Variants in MECOM observed in about 807,000 individuals in gnomAD.
MECOM encodes MDS1 and EVI1 complex locus, also known as histone-lysine N-methyltransferase MECOM.
MECOM carries 13 observed loss-of-function variants against 116.3 expected under a neutral mutation model. The ratio of observed to expected loss-of-function variants is 0.11; its 90% CI spans 0.07 to 0.18. The LOEUF is 0.18. Among genes scored for constraint, MECOM ranks in the 10% least tolerant of loss-of-function variants. The probability of loss-of-function intolerance (pLI) is 1.00; values close to 1 mark genes in which losing one functional copy is unlikely to be tolerated. For synonymous variants in MECOM, 528 were observed against 535.2 expected, an observed-to-expected ratio of 0.99 and a Z score of 0.19; for missense variants, 1,299 against 1,509.0, an observed-to-expected ratio of 0.86 and a Z score of 2.31.
chr3:169,119,448 G>C (rs1000000858), intron 7 of MECOM, among the ~76,000 whole-genome samples: 9 of 152,162 alleles, frequency 5.9e-5, no homozygotes, highest in African/African-American at 2.2e-4. Context: ...AATCTGATTG[G>C]AAAGGGACAC....
chr3:169,086,006 G>A (rs1341295593), intron 16 of MECOM, among the ~76,000 whole-genome samples: 1 of 152,162 alleles, frequency 6.6e-6, no homozygotes. Context: ...TGTAAACAAA[G>A]ACAAAATGCC....
intron 1 of MECOM, among the ~76,000 whole-genome samples, chr3:169,546,802 C>A (rs1046923248): frequency 6.6e-6 from 1 of 152,166 alleles, no homozygotes; most frequent in South Asian, 2.1e-4. Context: ...TACTTTTGAA[C>A]TTTTTGAACT....
intron 1 of MECOM, among the ~76,000 whole-genome samples, chr3:169,584,368 A>G (rs1323665155): frequency 2.6e-5 from 4 of 151,334 alleles, no homozygotes; most frequent in Non-Finnish European, 5.9e-5. Flanking sequence ...GATAGAGACC[A>G]TCTTGGCTAA....
intron 1 of MECOM, among the ~76,000 whole-genome samples, chr3:169,430,695 T>C (rs17558488): frequency 0.045 from 6,927 of 152,302 alleles, 189 homozygotes; most frequent in South Asian, 0.065. Context: ...CTAGTTCCAA[T>C]TGATTTCCTT....
intron 1 of MECOM, among the ~76,000 whole-genome samples, chr3:169,648,642 A>G (rs1774474482): frequency 6.6e-6 from 1 of 152,238 alleles, no homozygotes; most frequent in South Asian, 2.1e-4. Context: ...GCTTGGATGC[A>G]TACACATAGC....
At chr3:169,211,125 T>C (rs1248710407) in intron 2 of MECOM, among the ~76,000 whole-genome samples, 2 of 152,178 alleles carry the variant, frequency 1.3e-5, no homozygotes, top group African/African-American at 4.8e-5. Context: ...TGCCCTTGGA[T>C]AACTACTTAA....
intron 1 of MECOM, among the ~76,000 whole-genome samples, chr3:169,440,857 C>T (rs1743528404): frequency 6.6e-6 from 1 of 152,078 alleles, no homozygotes; most frequent in South Asian, 2.1e-4. Flanking sequence ...CAAGTAATCA[C>T]CTCTGGATAT....
intron 2 of MECOM, among the ~76,000 whole-genome samples, chr3:169,207,583 T>C (rs775957873): frequency 5.9e-5 from 9 of 152,144 alleles, no homozygotes; most frequent in Non-Finnish European, 1.0e-4. Flanking sequence ...AAACTACATA[T>C]AAGTACATAT....
At chr3:169,261,219 T>C (rs1211842193) in intron 2 of MECOM, among the ~76,000 whole-genome samples, 2 of 152,156 alleles carry the variant, frequency 1.3e-5, no homozygotes, top group Non-Finnish European at 2.9e-5. Flanking sequence ...GATAAAAATA[T>C]TTTTTTCTTT....
intron 1 of MECOM, among the ~76,000 whole-genome samples, chr3:169,505,418 G>T (rs542958672): frequency 2.4e-4 from 37 of 151,470 alleles, no homozygotes; most frequent in African/African-American, 6.8e-4. Flanking sequence ...CTTTATTGGT[G>T]TACATTTGCA....
chr3:169,096,537 C>T (rs575394365), intron 12 of MECOM, among the ~76,000 whole-genome samples: 2 of 152,070 alleles, frequency 1.3e-5, no homozygotes, highest in South Asian at 2.1e-4. Context: ...CCCAAAGTGC[C>T]GGGATTACAG....
intron 1 of MECOM, among the ~76,000 whole-genome samples, chr3:169,640,814 T>G (rs1249708420): frequency 2.6e-5 from 4 of 152,158 alleles, no homozygotes; most frequent in Admixed American, 6.5e-5. Flanking sequence ...AAATCAAGGT[T>G]TGCCAGAAAG....
At chr3:169,265,011 C>T (rs1488734508) in intron 2 of MECOM, among the ~76,000 whole-genome samples, 2 of 151,464 alleles carry the variant, frequency 1.3e-5, no homozygotes, top group Non-Finnish European at 2.9e-5. Context: ...CAACTAAGAT[C>T]TTCTTAAGCA....
chr3:169,226,998 T>C (rs1194375162), intron 2 of MECOM, among the ~76,000 whole-genome samples: 1 of 152,178 alleles, frequency 6.6e-6, no homozygotes, highest in Non-Finnish European at 1.5e-5. Flanking sequence ...CCATCTTTAG[T>C]TTTTTCATTG....
chr3:169,207,975 C>A (rs912390665), intron 2 of MECOM, among the ~76,000 whole-genome samples: 2 of 152,082 alleles, frequency 1.3e-5, no homozygotes, highest in Non-Finnish European at 2.9e-5. Flanking sequence ...AACAAGTCAG[C>A]ACTGTTCTGA....
chr3:169,395,232 C>T (rs1000886701), intron 1 of MECOM, among the ~76,000 whole-genome samples: 1 of 152,162 alleles, frequency 6.6e-6, no homozygotes, highest in African/African-American at 2.4e-5. Context: ...GTGCCTGTTT[C>T]ACTGCCGAAT....
chr3:169,574,164 C>T (rs767192374), intron 1 of MECOM, among the ~76,000 whole-genome samples: 25 of 152,050 alleles, frequency 1.6e-4, no homozygotes, highest in Non-Finnish European at 3.4e-4. Context: ...CAGCATTACC[C>T]TTATGCATAA....
rs571112639 is a variant in MECOM at position 169,492,685 on chromosome 3, G to A, written c.38-111161C>T. 4.8e-4 allele frequency among the ~76,000 whole-genome samples: 73 copies of A among 152,164 alleles called. 1 individual carries two copies. The highest frequency in any genetic ancestry group is 1.0e-3 in the South Asian group (5 of 4,816). On this transcript the variant is annotated intron_variant, in intron 1 of 16. Transcript: ENST00000651503. ...AGTAAAATTAACTCATATTAGGCCC[G>A]GCATGGTGTCTCACGCCTCTAATCC...
chr3:169,112,917 A>G (rs1560175258), intron 8 of MECOM, 43 bp from the exon 9 acceptor site: 3 of 1,363,554 alleles, frequency 2.2e-6, no homozygotes, highest in East Asian at 2.3e-5. Context: ...GCAGTCTCAC[A>G]TATCAATCAC....
Sources: gnomAD v4.1 joint callset for allele counts (sites outside exome capture counted in the v4.1 genomes callset) on GRCh38, gnomAD v4.1.1 for gene constraint, MANE v1.5 for transcripts, NCBI Gene and HGNC (gene_info 2026-07-23, HGNC 2026-07-21) for gene names.